FRMD6: variants seen among roughly 807,000 people sequenced by gnomAD.
FRMD6 encodes FERM domain containing 6.
Under a neutral mutation model 73.2 loss-of-function variants are expected in FRMD6, and 37 were observed. The ratio of observed to expected loss-of-function variants is 0.51; its 90% confidence interval spans 0.39 to 0.66. The LOEUF (loss-of-function observed/expected upper bound fraction) is 0.66. FRMD6 is among the 30% of genes least tolerant of loss of function. The pLI is 0.00. For missense variants in FRMD6, 714 were observed against 780.5 expected (o/e 0.91, Z 1.02); for synonymous variants, 273 against 282.2 (o/e 0.97, Z 0.33).
chr14:51,687,664 A>G (rs1895261917), intron 1 of FRMD6, among the ~76,000 whole-genome samples: 1 of 152,184 alleles, frequency 6.6e-6, no homozygotes, highest in Non-Finnish European at 1.5e-5. Context: ...TTTCTAAGAG[A>G]GGACATATAT....
chr14:51,705,120 A>G (rs1896548066), intron 6 of FRMD6, among the ~76,000 whole-genome samples, 185 bp downstream of exon 6: 1 of 152,056 alleles, frequency 6.6e-6, no homozygotes, highest in African/African-American at 2.4e-5. Flanking sequence ...TAGTCTGCTT[A>G]TGGTGAGTGG....
intron 1 of FRMD6, among the ~76,000 whole-genome samples, chr14:51,553,756 C>T (rs534156228): frequency 2.4e-4 from 36 of 152,144 alleles, no homozygotes; most frequent in African/African-American, 8.2e-4. Flanking sequence ...CTGCTTTGGT[C>T]CTGAAGGAGT....
rs939210008 is a variant in FRMD6, at chr14:51,603,153, C to T, written c.-147+32743C>T. Among the ~76,000 whole-genome samples, 3 of 152,290 alleles carry T rather than the reference C, an allele frequency of 2.0e-5. No individual in the cohort carries two copies. In the South Asian group the frequency reaches 6.2e-4, roughly 32 times the overall value. ...CAGCAAGAAGCTACCATCTACCAACCAGAACTCCAGCCCTCACCAGACACT... is the reference window on the plus strand; with the variant it reads ...CAGCAAGAAGCTACCATCTACCAACTAGAACTCCAGCCCTCACCAGACACT... On this transcript the variant is annotated intron_variant, in intron 2 of 14. Coordinates refer to the FRMD6 transcript ENST00000356218.
In FRMD6 at chr14:51,570,681, A is replaced by T. The variant is rs980760151; in HGVS notation, c.-147+271A>T. Among the ~76,000 whole-genome samples, 5 of 152,360 alleles carry T rather than the reference A, an allele frequency of 3.3e-5. No individual in the cohort carries two copies. In the South Asian group the frequency reaches 8.3e-4, roughly 25 times the overall value. ...TCCCCTGTGCTTTAATAAAGTTTCC[A>T]GTTGACTCTGATGCACATACAGTTC... On this transcript the variant is annotated intron_variant, in intron 2 of 14. Transcript: ENST00000356218.
intron 1 of FRMD6, among the ~76,000 whole-genome samples, chr14:51,564,929 C>T (rs889018810): frequency 4.6e-5 from 7 of 152,186 alleles, no homozygotes; most frequent in African/African-American, 7.2e-5. Context: ...TGATTTTTCA[C>T]GACAGTAATA....
the FRMD6 span, among the ~76,000 whole-genome samples, chr14:51,416,874 T>C: frequency 6.6e-6 from 1 of 152,222 alleles, no homozygotes; most frequent in East Asian, 1.9e-4. Context: ...TAGTTAGCTC[T>C]TCTTGTTGAA....
chr14:51,644,760 A>G (rs772041433), intron 2 of FRMD6, among the ~76,000 whole-genome samples: 1 of 152,214 alleles, frequency 6.6e-6, no homozygotes, highest in Non-Finnish European at 1.5e-5. Context: ...GAAAATCACT[A>G]AAAATGCTGA....
chr14:51,448,238 A>G, the FRMD6 span, among the ~76,000 whole-genome samples: 1 of 152,246 alleles, frequency 6.6e-6, no homozygotes, highest in Non-Finnish European at 1.5e-5. Context: ...CCAATTATAT[A>G]GATAGCATTC....
chr14:51,462,240 A>T, the FRMD6 span, among the ~76,000 whole-genome samples: 10 of 152,260 alleles, frequency 6.6e-5, no homozygotes, highest in African/African-American at 2.4e-4. Flanking sequence ...TGTGTGATCC[A>T]GTCATGTGAC....
At chr14:51,501,333 A>G (rs1277150735) in intron 1 of FRMD6, among the ~76,000 whole-genome samples, 1 of 152,126 alleles carries the variant, frequency 6.6e-6, no homozygotes, top group Non-Finnish European at 1.5e-5. Flanking sequence ...TAAGCCCAGC[A>G]TCCATAAACT....
At chr14:51,585,337 G>C (rs1351049780) in intron 2 of FRMD6, among the ~76,000 whole-genome samples, 2 of 152,166 alleles carry the variant, frequency 1.3e-5, no homozygotes, top group Admixed American at 1.3e-4. Context: ...AGCGGAGGGA[G>C]GGAGTGACCC....
intron 1 of FRMD6, among the ~76,000 whole-genome samples, chr14:51,675,573 A>G (rs1445290838): frequency 1.3e-5 from 2 of 152,170 alleles, no homozygotes; most frequent in African/African-American, 2.4e-5. Context: ...TTTTAAGTTT[A>G]TTTAGCAACT....
At chr14:51,416,821 A>G in the FRMD6 span, among the ~76,000 whole-genome samples, 145 of 152,316 alleles carry the variant, frequency 9.5e-4, no homozygotes, top group Non-Finnish European at 1.6e-3. Context: ...GACTTGCTTT[A>G]TGAATCTGGG....
At chr14:51,427,038 G>T in the FRMD6 span, among the ~76,000 whole-genome samples, 1 of 152,208 alleles carries the variant, frequency 6.6e-6, no homozygotes, top group Non-Finnish European at 1.5e-5. Context: ...CTCCTCATCA[G>T]ATATGAGAGT....
At chr14:51,566,144 G>A (rs568773984) in intron 1 of FRMD6, among the ~76,000 whole-genome samples, 44 of 152,314 alleles carry the variant, frequency 2.9e-4, no homozygotes, top group African/African-American at 1.0e-3. Context: ...TAGCCTGGGC[G>A]ACAGAGGGAG....
At chr14:51,506,240 A>G (rs1427508038) in intron 1 of FRMD6, among the ~76,000 whole-genome samples, 1 of 152,136 alleles carries the variant, frequency 6.6e-6, no homozygotes, top group African/African-American at 2.4e-5. Flanking sequence ...GATCTAGCAT[A>G]AATATTGCCT....
the FRMD6 span, among the ~76,000 whole-genome samples, chr14:51,425,221 C>T: frequency 3.3e-5 from 5 of 152,152 alleles, no homozygotes; most frequent in Non-Finnish European, 7.3e-5. Flanking sequence ...ATTCCCTGCC[C>T]TGGTCTTGGC....
At chr14:51,549,620 C>CA (rs1886683007) in intron 1 of FRMD6, among the ~76,000 whole-genome samples, 2 of 73,230 alleles carry the variant, frequency 2.7e-5, no homozygotes, top group Non-Finnish European at 4.6e-5. Flanking sequence ...TTTTTTGAGA[C>CA]AGAGTCTCGC....
In FRMD6 at chr14:51,728,474, C is replaced by G. The variant is rs1898105202; in HGVS notation, c.*445C>G. On this transcript the variant is annotated 3_prime_UTR_variant, in exon 14 of 14. Transcript: ENST00000344768. ...TGGGAGAGGAAAGAGGGAAGATTCT[C>G]TCTTCTTTTAACAGAGAGATGATTG... The G allele has an allele frequency of 5.7e-6, 1 of 174,680 alleles. No homozygotes were observed. The highest frequency in any genetic ancestry group is 5.4e-5 in the Admixed American group (1 of 18,638). The allele number at this position is 174,680 out of a possible 1,614,324, so 10.8% of individuals were successfully genotyped here. A position where few individuals can be genotyped will look rare whatever the true frequency, so the allele number is the denominator to read the frequency against.
Sources: gnomAD v4.1 joint callset for allele counts (sites outside exome capture counted in the v4.1 genomes callset) on GRCh38, gnomAD v4.1.1 for gene constraint, MANE v1.5 for transcripts, NCBI Gene and HGNC (gene_info 2026-07-23, HGNC 2026-07-21) for gene names.